The following ATP10B variants were observed in gnomAD, a reference collection of about 807,000 sequenced individuals.
ATP10B encodes the protein phospholipid-transporting ATPase VB.
ATP10B carries 122 observed loss-of-function variants against 141.2 expected under a neutral mutation model. The ratio of observed to expected loss-of-function variants is 0.86; its 90% CI spans 0.75 to 1.00. The LOEUF (loss-of-function observed/expected upper bound fraction) is 1.00, where lower values mean the gene tolerates loss of function less well. Ranked by LOEUF, ATP10B falls within the 50% of genes least tolerant of loss-of-function variation. ATP10B has a pLI of 0.00. For missense variants in ATP10B, 1,876 were observed against 1,825.3 expected (o/e 1.03, Z -0.51); for synonymous variants, 685 against 692.0 (o/e 0.99, Z 0.16).
At chr5:160,638,236 T>C (rs1759561317) in intron 10 of ATP10B, among the ~76,000 whole-genome samples, 1 of 152,170 alleles carries the variant, frequency 6.6e-6, no homozygotes, top group Non-Finnish European at 1.5e-5. Context: ...ATTCTGACCC[T>C]CCTCATGAAC....
intron 3 of ATP10B, among the ~76,000 whole-genome samples, chr5:160,698,090 C>A (rs1271291552): frequency 6.6e-6 from 1 of 152,122 alleles, no homozygotes. Context: ...CTCCCTCGAA[C>A]TTTACATCAA....
chr5:160,644,569 G>T (rs1223843084), intron 8 of ATP10B, among the ~76,000 whole-genome samples: 1 of 152,146 alleles, frequency 6.6e-6, no homozygotes, highest in East Asian at 1.9e-4. Context: ...TTTTATGCAG[G>T]TTGCAGCAAA....
intron 13 of ATP10B, among the ~76,000 whole-genome samples, chr5:160,627,248 T>C (rs1309735618): frequency 6.6e-6 from 1 of 152,122 alleles, no homozygotes; most frequent in East Asian, 1.9e-4. Flanking sequence ...TCTTCTAAGC[T>C]CCTATAGCAC....
chr5:160,920,751 T>C, the ATP10B span, among the ~76,000 whole-genome samples: 5 of 152,278 alleles, frequency 3.3e-5, no homozygotes, highest in South Asian at 1.0e-3. Context: ...ATGCAAACCC[T>C]TTGGAGAGCT....
In ATP10B at chr5:160,649,243, T is replaced by C; in HGVS notation, c.689A>G (p.Glu230Gly). The C allele has an allele frequency of 6.2e-7, 1 of 1,613,878 alleles. No homozygotes were observed. Among genetic ancestry groups the C allele is most frequent in the Non-Finnish European group, 8.5e-7 (1 of 1,179,798 alleles). The change falls in exon 8 of 26, where the codon GAA becomes GGA. Residue 230 changes from glutamate to glycine, a missense_variant. Coordinates refer to ENST00000327245, the MANE Select transcript of ATP10B (RefSeq NM_025153.3). ...GATGGTATTGTGGAAAAGCTCTGGT[T>C]CGAACTGTACCTCCTGTGAGAGAGA... Reference protein sequence around the residue: ...KGFSQQEVQFEPELFHNTIVC... With the variant: ...KGFSQQEVQFGPELFHNTIVC...
rs553337784 is a variant in ATP10B, at chr5:160,841,196, C to A, written c.-576+10745G>T. 8.5e-5 allele frequency among the ~76,000 whole-genome samples: 13 copies of A among 152,154 alleles called. No individual in the cohort carries two copies. The South Asian group carries it at 2.5e-3, about 29-fold the overall frequency. On this transcript the variant is annotated intron_variant, in intron 1 of 25. Coordinates refer to ENST00000327245, the MANE Select transcript of ATP10B (RefSeq NM_025153.3). ...GCATAGGACACTGATTAAACTATAA[C>A]CCCATACATTCAATGGAATACAATG...
chr5:160,607,477 C>T (rs11135108), intron 18 of ATP10B, among the ~76,000 whole-genome samples: 46,535 of 151,996 alleles, frequency 0.31, 8,979 homozygotes, highest in Non-Finnish European at 0.43. Flanking sequence ...AACATTCCTG[C>T]GTGGTAGATA....
intron 2 of ATP10B, among the ~76,000 whole-genome samples, chr5:160,782,498 C>G (rs912462616): frequency 6.7e-6 from 1 of 148,624 alleles, no homozygotes; most frequent in African/African-American, 2.5e-5. Flanking sequence ...CTTTAGGAGC[C>G]CAGCCTCACA....
At chr5:160,871,942 C>T in the ATP10B span, among the ~76,000 whole-genome samples, 3 of 152,088 alleles carry the variant, frequency 2.0e-5, no homozygotes, top group Non-Finnish European at 4.4e-5. Context: ...AATGGTAGTT[C>T]TACTTTTAGT....
intron 2 of ATP10B, among the ~76,000 whole-genome samples, chr5:160,767,634 A>ATCCCCC (rs1561833441): frequency 1.1e-5 from 1 of 92,306 alleles, no homozygotes; most frequent in Non-Finnish European, 2.2e-5. Context: ...ATGTGTGCAG[A>ATCCCCC]ACCCCCCCCC....
At chr5:160,626,063 C>T (rs1005478765) in intron 13 of ATP10B, among the ~76,000 whole-genome samples, 1 of 152,276 alleles carries the variant, frequency 6.6e-6, no homozygotes, top group Non-Finnish European at 1.5e-5. Flanking sequence ...CTCCAGCCCA[C>T]TGGTTTCCCA....
intron 1 of ATP10B, among the ~76,000 whole-genome samples, chr5:160,821,042 G>C (rs187600466): frequency 1.3e-5 from 2 of 151,994 alleles, no homozygotes; most frequent in South Asian, 2.1e-4. Flanking sequence ...GAAACCAAGC[G>C]CATCCAAATT....
chr5:160,881,145 AAAG>A, the ATP10B span, among the ~76,000 whole-genome samples: 1 of 152,230 alleles, frequency 6.6e-6, no homozygotes, highest in Admixed American at 6.5e-5. Context: ...ACACTTTACC[AAAG>A]AAGATGTACA....
chr5:160,679,584 C>T (rs1180318993), intron 6 of ATP10B, among the ~76,000 whole-genome samples: 1 of 152,210 alleles, frequency 6.6e-6, no homozygotes, highest in Non-Finnish European at 1.5e-5. Context: ...CTTCTGTGTC[C>T]CTTTGCAGGT....
chr5:160,802,890 G>T (rs918421436), intron 1 of ATP10B, among the ~76,000 whole-genome samples: 2 of 152,146 alleles, frequency 1.3e-5, no homozygotes, highest in Admixed American at 6.5e-5. Flanking sequence ...TCAGTTTCAC[G>T]ATTCTTCATC....
intron 18 of ATP10B, among the ~76,000 whole-genome samples, chr5:160,609,483 ATTT>A (rs1757589482): frequency 6.6e-6 from 1 of 151,350 alleles, no homozygotes; most frequent in African/African-American, 2.4e-5. Context: ...GGTTCAAGTG[ATTT>A]TCATGCCTCA....
At chr5:160,735,429 A>G (rs1185991413) in intron 2 of ATP10B, among the ~76,000 whole-genome samples, 1 of 152,146 alleles carries the variant, frequency 6.6e-6, no homozygotes, top group Non-Finnish European at 1.5e-5. Context: ...AAAGGGGTCA[A>G]TTTAGCAGGA....
rs538055855 is a variant in ATP10B, at chr5:160,692,095, T to C, written c.-204-3152A>G. 3.3e-5 allele frequency among the ~76,000 whole-genome samples: 5 copies of C among 152,274 alleles called. No individual in the cohort carries two copies. The South Asian group carries it at 6.2e-4, about 19-fold the overall frequency. The stretch of plus-strand genomic sequence containing the variant: ...GGTAAGATCTTCTTAAATGAAGAGA[T>C]TGGATTGATGTGGGAAATGTAGTTA... On this transcript the variant is annotated intron_variant, in intron 3 of 25. Coordinates refer to ENST00000327245, the MANE Select transcript of ATP10B (RefSeq NM_025153.3).
intron 15 of ATP10B, among the ~76,000 whole-genome samples, chr5:160,618,497 A>G (rs753833089): frequency 5.9e-5 from 9 of 152,244 alleles, no homozygotes; most frequent in Non-Finnish European, 1.2e-4. Context: ...GGATCTCATT[A>G]GCTAAGTTCC....
Sources: allele counts gnomAD v4.1 joint callset (sites outside exome capture counted in the v4.1 genomes callset), GRCh38; gene constraint gnomAD v4.1.1; transcripts MANE v1.5; gene names NCBI Gene and HGNC (gene_info 2026-07-23, HGNC 2026-07-21).